The following SNAP91 variants were observed in gnomAD, a reference collection of about 807,000 sequenced individuals.
SNAP91 encodes the protein synaptosome associated protein 91.
A neutral mutation model predicts 100.3 loss-of-function variants in SNAP91; 27 were observed. The ratio of observed to expected loss-of-function variants is 0.27; its 90% CI spans 0.20 to 0.37. The LOEUF is 0.37. Among genes scored for constraint, SNAP91 ranks in the 10% least tolerant of loss-of-function variants. SNAP91 has a pLI of 1.00. For synonymous variants in SNAP91, 404 were observed against 398.6 expected (o/e 1.01, Z -0.16); for missense variants, 986 against 1,123.7 (o/e 0.88, Z 1.75).
chr6:83,601,342 G>C lies in SNAP91; in HGVS notation c.1253C>G (p.Ala418Gly). 1 of 1,613,598 alleles carries C rather than the reference G, an allele frequency of 6.2e-7. No homozygotes were observed. The highest frequency in any genetic ancestry group is 2.2e-5 in the East Asian group (1 of 44,870). ...AGTGGAGGCAGAAGCTGAGGCAGTT[G>C]CAATTTCAGCAGTTGTAGTAGGAGG... ...PTPPTTTAEI[A>G]TASASASTTT... Residue 418 changes from alanine to glycine, a missense_variant, in exon 16 of 30, where the codon GCA becomes GGA. Physicochemically the swap from Ala to Gly is moderately conservative, Grantham distance 60. Coordinates refer to ENST00000369694, the MANE Select transcript of SNAP91 (RefSeq NM_001242792.2).
At chr6:83,591,874 A>G (rs1360248879) in intron 21 of SNAP91, among the ~76,000 whole-genome samples, 1 of 152,224 alleles carries the variant, frequency 6.6e-6, no homozygotes, top group African/African-American at 2.4e-5. Context: ...TTTAAGCTCA[A>G]GAGCTAATTC....
intron 2 of SNAP91, among the ~76,000 whole-genome samples, chr6:83,693,329 G>A (rs1377031833): frequency 6.6e-6 from 1 of 152,144 alleles, no homozygotes; most frequent in Non-Finnish European, 1.5e-5. Flanking sequence ...CATGGGCCAG[G>A]CACAGTAAGT....
At chr6:83,570,499 C>T (rs980664523) in intron 26 of SNAP91, among the ~76,000 whole-genome samples, 6 of 144,984 alleles carry the variant, frequency 4.1e-5, no homozygotes, top group South Asian at 2.1e-4. Flanking sequence ...CTCCAGGACA[C>T]GTCAGAGAAC....
intron 26 of SNAP91, among the ~76,000 whole-genome samples, chr6:83,571,578 CTG>C: frequency 6.6e-6 from 1 of 152,206 alleles, no homozygotes; most frequent in African/African-American, 2.4e-5. Context: ...TACCCAAAGC[CTG>C]TACCCCCATT....
In SNAP91 at chr6:83,601,439, CTA is replaced by C; in HGVS notation, c.1157-3_1157-2del. On this transcript the variant is annotated splice_acceptor_variant and splice_polypyrimidine_tract_variant and intron_variant, in intron 15 of 29. Transcript: ENST00000369694. LOFTEE classifies it high-confidence loss of function. ...ACAGAGGAAAGTGCAGCCAAAGAAT[CTA>C]TATTTCACCAGAGACAGAGAGCAAA... 1 of 1,613,502 alleles carries C rather than the reference CTA, an allele frequency of 6.2e-7. No individual in the cohort carries two copies. The highest frequency in any genetic ancestry group is 2.2e-5 in the East Asian group (1 of 44,850).
At chr6:83,562,534 AT>A (rs1234763461) in intron 26 of SNAP91, among the ~76,000 whole-genome samples, 2 of 152,134 alleles carry the variant, frequency 1.3e-5, no homozygotes, top group Non-Finnish European at 2.9e-5. Flanking sequence ...TCTTGATACA[AT>A]TTCTAGTTCT....
At chr6:83,662,626 C>T (rs1441066572) in intron 3 of SNAP91, among the ~76,000 whole-genome samples, 1 of 151,926 alleles carries the variant, frequency 6.6e-6, no homozygotes, top group Non-Finnish European at 1.5e-5. Context: ...TTCATTTCTA[C>T]ACATAATGGA....
rs563532438 is a variant in SNAP91 at position 83,672,906 on chromosome 6, T to C, written c.131-7325A>G. Among the ~76,000 whole-genome samples, 7 of 152,208 alleles carry C rather than the reference T, an allele frequency of 4.6e-5. No individual in the cohort carries two copies. In the South Asian group the frequency reaches 1.0e-3, roughly 23 times the overall value. The stretch of plus-strand genomic sequence containing the variant: ...ATTATATGACTCTGTAAAACCCCAC[T>C]AGTACAGCAATTTTCCTTTGCACAA... On this transcript the variant is annotated intron_variant, in intron 2 of 29. Coordinates refer to ENST00000369694, the MANE Select transcript of SNAP91 (RefSeq NM_001242792.2).
intron 16 of SNAP91, 139 bp from the exon 17 acceptor site, chr6:83,594,620 G>A (rs933360492): frequency 7.6e-5 from 42 of 553,104 alleles, no homozygotes; most frequent in South Asian, 5.2e-4. Flanking sequence ...TGGCCCATGC[G>A]CTGTCGGTGG....
At chr6:83,641,664 A>C (rs1385443936) in intron 7 of SNAP91, among the ~76,000 whole-genome samples, 1 of 152,212 alleles carries the variant, frequency 6.6e-6, no homozygotes, top group African/African-American at 2.4e-5. Context: ...GAATTCTTTA[A>C]GTTTTCTACA....
chr6:83,622,820 T>C (rs1409957492), intron 9 of SNAP91, among the ~76,000 whole-genome samples: 3 of 152,096 alleles, frequency 2.0e-5, no homozygotes, highest in Admixed American at 6.5e-5. Context: ...ATTTTATACA[T>C]GGACATTTCT....
At chr6:83,574,914 C>T (rs2128075884) in intron 26 of SNAP91, 96 bp downstream of exon 26, 1 of 728,486 alleles carries the variant, frequency 1.4e-6, no homozygotes, top group Non-Finnish European at 2.3e-6. Context: ...GGAATAAGTA[C>T]ACCGTCGGCA....
chr6:83,642,871 C>T (rs1412596428), intron 7 of SNAP91, among the ~76,000 whole-genome samples: 10 of 152,200 alleles, frequency 6.6e-5, no homozygotes, highest in South Asian at 6.2e-4. Context: ...GACTTTTTAA[C>T]GATCGCCATT....
At chr6:83,623,694 C>A (rs2096821734) in intron 8 of SNAP91, among the ~76,000 whole-genome samples, 2 of 152,066 alleles carry the variant, frequency 1.3e-5, no homozygotes. Context: ...TGCCCAGCTT[C>A]TGGATAGGGA....
intron 22 of SNAP91, among the ~76,000 whole-genome samples, chr6:83,586,418 C>A (rs947610019): frequency 6.6e-6 from 1 of 152,142 alleles, no homozygotes; most frequent in Non-Finnish European, 1.5e-5. Context: ...ATGTGAAATT[C>A]TCTTATACTA....
intron 8 of SNAP91, among the ~76,000 whole-genome samples, chr6:83,628,350 T>G (rs1484472346): frequency 1.3e-5 from 2 of 151,520 alleles, no homozygotes; most frequent in Non-Finnish European, 2.9e-5. Flanking sequence ...CAAGTATGAC[T>G]TCTTTTCCCC....
intron 26 of SNAP91, among the ~76,000 whole-genome samples, chr6:83,573,217 T>G (rs1382864955): frequency 6.6e-6 from 1 of 152,026 alleles, no homozygotes; most frequent in Non-Finnish European, 1.5e-5. Flanking sequence ...TCAAAGAGAA[T>G]AAAATACCTA....
intron 22 of SNAP91, 121 bp from the exon 23 acceptor site, chr6:83,582,477 C>A: frequency 1.0e-6 from 1 of 1,001,152 alleles, no homozygotes; most frequent in Non-Finnish European, 1.4e-6. Context: ...GATTAGCAGT[C>A]AGTGAAACAG....
At chr6:83,660,858 A>G (rs1289863242) in intron 5 of SNAP91, among the ~76,000 whole-genome samples, 4 of 151,294 alleles carry the variant, frequency 2.6e-5, no homozygotes, top group African/African-American at 4.9e-5. Context: ...AGCTCACTGT[A>G]GCCTCAGTCT....
Sources: allele counts gnomAD v4.1 joint callset (sites outside exome capture counted in the v4.1 genomes callset), GRCh38; gene constraint gnomAD v4.1.1; transcripts MANE v1.5; gene names NCBI Gene and HGNC (gene_info 2026-07-23, HGNC 2026-07-21).